KCNJ3: variants seen among roughly 807,000 people sequenced by gnomAD.
KCNJ3 encodes the protein G protein-activated inward rectifier potassium channel 1.
In KCNJ3, 4 loss-of-function variants were observed where a neutral mutation model predicts 39.2. That is an observed-to-expected ratio of 0.10 (90% CI 0.05 to 0.23). The LOEUF (loss-of-function observed/expected upper bound fraction) is 0.23. Ranked by LOEUF, KCNJ3 falls within the 10% of genes least tolerant of loss-of-function variation. The probability of loss-of-function intolerance (pLI) is 1.00; values close to 1 mark genes in which losing one functional copy is unlikely to be tolerated. For synonymous variants in KCNJ3, 230 were observed against 237.4 expected (o/e 0.97, Z 0.29); for missense variants, 276 against 634.9 (o/e 0.43, Z 6.08).
chr2:154,820,942 C>G (rs1159462725), intron 2 of KCNJ3, among the ~76,000 whole-genome samples: 1 of 152,146 alleles, frequency 6.6e-6, no homozygotes, highest in African/African-American at 2.4e-5. Flanking sequence ...TCAGCTGAAA[C>G]AAGAGATTTT....
intron 2 of KCNJ3, among the ~76,000 whole-genome samples, chr2:154,848,104 A>C (rs1687691237): frequency 6.6e-6 from 1 of 152,204 alleles, no homozygotes; most frequent in African/African-American, 2.4e-5. Context: ...ATATACACAT[A>C]TACATATACC....
intron 2 of KCNJ3, among the ~76,000 whole-genome samples, chr2:154,790,198 C>G (rs781055272): frequency 2.6e-5 from 4 of 151,984 alleles, no homozygotes; most frequent in Non-Finnish European, 4.4e-5. Flanking sequence ...GATTATTCAA[C>G]GTAAAGCAGA....
At chr2:154,701,233 G>A (rs1420945764) in intron 1 of KCNJ3, among the ~76,000 whole-genome samples, 1 of 152,006 alleles carries the variant, frequency 6.6e-6, no homozygotes, top group Non-Finnish European at 1.5e-5. Context: ...TTCTGTTCAA[G>A]CAATCCATGT....
chr2:154,740,125 G>C (rs1300235941), intron 2 of KCNJ3, among the ~76,000 whole-genome samples: 1 of 151,962 alleles, frequency 6.6e-6, no homozygotes, highest in Non-Finnish European at 1.5e-5. Flanking sequence ...TGTTACCTTT[G>C]AGTTAACAAT....
chr2:154,708,263 A>G (rs1451984616), intron 1 of KCNJ3, among the ~76,000 whole-genome samples: 1 of 152,148 alleles, frequency 6.6e-6, no homozygotes, highest in African/African-American at 2.4e-5. Context: ...AACTCTTTGC[A>G]ACAATTGCTG....
At chr2:154,825,918 C>G (rs1476702677) in intron 2 of KCNJ3, among the ~76,000 whole-genome samples, 1 of 148,712 alleles carries the variant, frequency 6.7e-6, no homozygotes, top group Non-Finnish European at 1.5e-5. Context: ...CTATTACAAA[C>G]AAGCTTAATC....
intron 2 of KCNJ3, among the ~76,000 whole-genome samples, chr2:154,817,954 GA>G (rs1196537665): frequency 6.9e-6 from 1 of 143,960 alleles, no homozygotes; most frequent in Non-Finnish European, 1.5e-5. Flanking sequence ...AATCAAATAA[GA>G]AATTTTCTTA....
At position 154,853,144 on chromosome 2, in the gene KCNJ3, G is replaced by GA. The variant is rs1170092487; in HGVS notation, c.920-1570dup. ...CAGGACCATATTGAGGATTAGAATG[G>GA]AAAAAAAAAAAAAGAGGGAAGAAGA... is the stretch of plus-strand genomic sequence containing the variant. On this transcript the variant is annotated intron_variant, in intron 2 of 2. Transcript: ENST00000295101. Among the ~76,000 whole-genome samples, 915 of 131,396 alleles carry GA rather than the reference G, an allele frequency of 7.0e-3. 12 individuals are homozygous for GA. Among genetic ancestry groups the GA allele is most frequent in the African/African-American group, 0.02 (718 of 35,944 alleles). The allele number at this position is 131,396 out of a possible 152,430, so 86.2% of individuals were successfully genotyped here. A position where few individuals can be genotyped will look rare whatever the true frequency, so the allele number is the denominator to read the frequency against.
intron 2 of KCNJ3, among the ~76,000 whole-genome samples, chr2:154,793,127 A>G (rs576262758): frequency 1.3e-5 from 2 of 152,208 alleles, no homozygotes; most frequent in African/African-American, 4.8e-5. Context: ...ATGACATTCA[A>G]AAGTGAAAGA....
intron 2 of KCNJ3, among the ~76,000 whole-genome samples, chr2:154,774,044 T>C (rs2105198146): frequency 6.6e-6 from 1 of 152,296 alleles, no homozygotes; most frequent in East Asian, 1.9e-4. Context: ...ATTTTGACAT[T>C]AAGTTACCAA....
intron 2 of KCNJ3, among the ~76,000 whole-genome samples, chr2:154,798,352 A>G (rs1260509357): frequency 6.6e-6 from 1 of 152,128 alleles, no homozygotes; most frequent in Non-Finnish European, 1.5e-5. Context: ...TCCCAAATAC[A>G]TGTAAAATTG....
intron 2 of KCNJ3, among the ~76,000 whole-genome samples, chr2:154,746,992 C>A (rs1189274201): frequency 6.6e-6 from 1 of 151,838 alleles, no homozygotes; most frequent in African/African-American, 2.4e-5. Flanking sequence ...AAAACTACTT[C>A]TTACTGTTGC....
intron 1 of KCNJ3, among the ~76,000 whole-genome samples, chr2:154,702,958 GT>G (rs991999330): frequency 1.9e-4 from 29 of 152,020 alleles, no homozygotes; most frequent in African/African-American, 6.7e-4. Context: ...CCAATCGAAA[GT>G]TTTTATAAAA....
chr2:154,740,541 C>G (rs1685635406), intron 2 of KCNJ3, among the ~76,000 whole-genome samples: 2 of 151,840 alleles, frequency 1.3e-5, no homozygotes. Flanking sequence ...ATGAGACTTT[C>G]CAGTTTTAGC....
At chr2:154,715,574 T>A (rs558259668) in intron 2 of KCNJ3, among the ~76,000 whole-genome samples, 70 of 152,364 alleles carry the variant, frequency 4.6e-4, no homozygotes, top group African/African-American at 1.7e-3. Flanking sequence ...ATTAAATGCA[T>A]GCTTATTATA....
chr2:154,700,273 A>G (rs1684865151), intron 1 of KCNJ3, among the ~76,000 whole-genome samples: 1 of 152,212 alleles, frequency 6.6e-6, no homozygotes, highest in Non-Finnish European at 1.5e-5. Flanking sequence ...GCTTCCTACC[A>G]TCAACGGTGT....
At chr2:154,704,033 C>T (rs190680672) in intron 1 of KCNJ3, among the ~76,000 whole-genome samples, 79 of 152,098 alleles carry the variant, frequency 5.2e-4, no homozygotes, top group Admixed American at 1.3e-3. Context: ...AGCACAGTTC[C>T]TATTTAGTCT....
chr2:154,751,012 G>T (rs938127941), intron 2 of KCNJ3, among the ~76,000 whole-genome samples: 2 of 151,760 alleles, frequency 1.3e-5, no homozygotes, highest in African/African-American at 4.8e-5. Flanking sequence ...AATAACTTAA[G>T]GGTGAGGGAT....
At chr2:154,802,386 T>A (rs985017758) in intron 2 of KCNJ3, among the ~76,000 whole-genome samples, 5 of 152,144 alleles carry the variant, frequency 3.3e-5, no homozygotes, top group African/African-American at 4.8e-5. Context: ...GATATTATGG[T>A]CCCTGCCATG....
Sources: gnomAD v4.1 joint callset for allele counts (sites outside exome capture counted in the v4.1 genomes callset) on GRCh38, gnomAD v4.1.1 for gene constraint, MANE v1.5 for transcripts, NCBI Gene and HGNC (gene_info 2026-07-23, HGNC 2026-07-21) for gene names.